The following KIF13B variants were observed in gnomAD, a reference collection of about 807,000 sequenced individuals.
The protein encoded by KIF13B is kinesin family member 13B.
KIF13B carries 127 observed loss-of-function variants against 222.0 expected under a neutral mutation model. The observed-to-expected ratio is 0.57, with a 90% CI of 0.50 to 0.66. KIF13B has a LOEUF of 0.66. Ranked by LOEUF, KIF13B falls within the 30% of genes least tolerant of loss-of-function variation. The pLI, the probability that KIF13B is intolerant of heterozygous loss-of-function variation, is 0.00. For synonymous variants in KIF13B, 976 were observed against 919.0 expected (o/e 1.06, Z -1.12); for missense variants, 2,173 against 2,379.0 (o/e 0.91, Z 1.80).
chr8:29,165,891 G>T, intron 11 of KIF13B, 119 bp from the exon 12 acceptor site: 1 of 112,610 alleles, frequency 8.9e-6, no homozygotes. Context: ...TCACGCTGAG[G>T]TCTGACATCT....
At chr8:29,169,508 G>C (rs999642725) in intron 10 of KIF13B, among the ~76,000 whole-genome samples, 9 of 152,146 alleles carry the variant, frequency 5.9e-5, no homozygotes, top group Admixed American at 5.9e-4. Context: ...GATTCCTAAG[G>C]TGTTACTAAA....
intron 1 of KIF13B, among the ~76,000 whole-genome samples, chr8:29,261,945 T>G (rs1049133712): frequency 2.0e-5 from 3 of 152,196 alleles, no homozygotes; most frequent in Non-Finnish European, 4.4e-5. Flanking sequence ...ACATAAAAAT[T>G]AAACAACACT....
intron 21 of KIF13B, among the ~76,000 whole-genome samples, chr8:29,139,228 A>C (rs1448906702): frequency 6.6e-6 from 1 of 152,176 alleles, no homozygotes; most frequent in Non-Finnish European, 1.5e-5. Context: ...TATGACTTAG[A>C]ATGTACTACT....
rs1563769878 is a variant in KIF13B at position 29,186,547 on chromosome 8, A to ATAAATT, written c.317-76_317-75insAATTTA. The ATAAATT allele has an allele frequency of 4.7e-6, 6 of 1,284,018 alleles. No homozygotes were observed. The African/African-American group carries it at 9.1e-5, about 19-fold the overall frequency. The allele number at this position is 1,284,018 out of a possible 1,614,324, so 79.5% of individuals were successfully genotyped here. On this transcript the variant is annotated intron_variant, in intron 5 of 39. Transcript: ENST00000524189. ...ACATAACCCTCTTTCCGTTGCTCAT[A>ATAAATT]ATAAACACTTGGCAAAACGCCAAAA... is the stretch of plus-strand genomic sequence containing the variant.
intron 26 of KIF13B, among the ~76,000 whole-genome samples, chr8:29,125,358 G>C (rs1310105552): frequency 6.6e-6 from 1 of 152,168 alleles, no homozygotes; most frequent in Non-Finnish European, 1.5e-5. Flanking sequence ...GATATAGTGT[G>C]TCTGGGCTTT....
intron 2 of KIF13B, among the ~76,000 whole-genome samples, chr8:29,200,131 G>A (rs1174943138): frequency 6.6e-6 from 1 of 152,112 alleles, no homozygotes; most frequent in Admixed American, 6.6e-5. Flanking sequence ...TAATTACAGA[G>A]CTAAGTTTGC....
intron 27 of KIF13B, 75 bp downstream of exon 27, chr8:29,123,948 AT>A: frequency 1.2e-6 from 1 of 868,640 alleles, no homozygotes; most frequent in Non-Finnish European, 1.9e-6. Context: ...TTCTTAACTG[AT>A]GTGGCTACAA....
At chr8:29,106,600 C>T (rs978959436) in intron 35 of KIF13B, among the ~76,000 whole-genome samples, 1 of 136,306 alleles carries the variant, frequency 7.3e-6, no homozygotes, top group Non-Finnish European at 1.5e-5. Flanking sequence ...CCACTGCACT[C>T]CAGCCTGGGC....
At position 29,134,187 on chromosome 8, in the gene KIF13B, C is replaced by T; in HGVS notation, c.2637G>A (p.Gly879=). 6.2e-7 allele frequency: 1 copy of T among 1,613,908 alleles called. No homozygotes were observed. The highest frequency in any genetic ancestry group is 1.7e-5 in the Admixed American group (1 of 60,004). ...CAAAGTGGGACAGATGCTGTGGCAA[C>T]CCAGTAGCTTGCAGGATTTTAACCT... The part of the protein sequence containing the change: ...VCMVKILQAT[G]LPQHLSHFVF... The change falls in exon 22 of 40, where the codon GGG becomes GGA. Residue 879 remains glycine, a synonymous_variant. Coordinates refer to ENST00000524189, the MANE Select transcript of KIF13B (RefSeq NM_015254.4).
chr8:29,085,255 T>C (rs1164268545), intron 37 of KIF13B, among the ~76,000 whole-genome samples: 2 of 152,184 alleles, frequency 1.3e-5, no homozygotes, highest in African/African-American at 4.8e-5. Context: ...TTCTCTGCAG[T>C]TATGGGTCTG....
At chr8:29,198,841 T>G in intron 2 of KIF13B, among the ~76,000 whole-genome samples, 1 of 152,176 alleles carries the variant, frequency 6.6e-6, no homozygotes, top group East Asian at 1.9e-4. Context: ...TATTGCATGT[T>G]CTTACCAATA....
chr8:29,188,642 A>G (rs757820811), intron 4 of KIF13B, 35 bp from the exon 5 acceptor site: 2 of 1,340,872 alleles, frequency 1.5e-6, no homozygotes, highest in East Asian at 4.6e-5. Context: ...AGATATTTTA[A>G]GCCAAAACTA....
intron 18 of KIF13B, among the ~76,000 whole-genome samples, chr8:29,143,951 C>A (rs145506025): frequency 2.2e-4 from 34 of 151,178 alleles, no homozygotes; most frequent in African/African-American, 8.3e-4. Flanking sequence ...CTTATAAGAG[C>A]AATGTGGATT....
At chr8:29,212,602 C>A (rs1345869334) in intron 2 of KIF13B, among the ~76,000 whole-genome samples, 1 of 152,040 alleles carries the variant, frequency 6.6e-6, no homozygotes, top group African/African-American at 2.4e-5. Context: ...ACTGATTTTT[C>A]TGTTCCATAT....
At chr8:29,072,382 C>T in intron 38 of KIF13B, 66 bp from the exon 39 acceptor site, 1 of 1,161,118 alleles carries the variant, frequency 8.6e-7, no homozygotes, top group East Asian at 3.1e-5. Flanking sequence ...AAGCAGGCAG[C>T]TTTGACTTGG....
At chr8:29,177,171 T>A (rs564800582) in intron 9 of KIF13B, among the ~76,000 whole-genome samples, 1 of 151,750 alleles carries the variant, frequency 6.6e-6, no homozygotes, top group Non-Finnish European at 1.5e-5. Context: ...CGCCATCTAG[T>A]GGGGAGAAGC....
At chr8:29,179,961 G>C in intron 8 of KIF13B, 143 bp downstream of exon 8, 2 of 873,850 alleles carry the variant, frequency 2.3e-6, no homozygotes, top group Middle Eastern at 2.7e-4. Flanking sequence ...TTGACCTAGA[G>C]GAGCTTCTGT....
chr8:29,087,970 T>A (rs1214610259), intron 37 of KIF13B, among the ~76,000 whole-genome samples: 1 of 152,046 alleles, frequency 6.6e-6, no homozygotes, highest in Non-Finnish European at 1.5e-5. Flanking sequence ...ATAAGAAGAT[T>A]ATACATATAT....
Position 29,148,515 on chromosome 8 carries a change from T to A in KIF13B, c.1813+62A>T, listed in dbSNP as rs1461417439. 1.3e-5 allele frequency: 16 copies of A among 1,269,114 alleles called. No homozygotes were observed. The East Asian group carries it at 1.6e-4, about 13-fold the overall frequency. The allele number at this position is 1,269,114 out of a possible 1,614,324, so 78.6% of individuals were successfully genotyped here. On this transcript the variant is annotated intron_variant, in intron 16 of 39. Coordinates refer to ENST00000524189, the MANE Select transcript of KIF13B (RefSeq NM_015254.4). ...GCCTGGAACTCCTGGGCTCAAGCGA[T>A]CTCCCCACCTCAGCCTCTACCAACT...
Sources: gnomAD v4.1 joint callset for allele counts (sites outside exome capture counted in the v4.1 genomes callset) on GRCh38, gnomAD v4.1.1 for gene constraint, MANE v1.5 for transcripts, NCBI Gene and HGNC (gene_info 2026-07-23, HGNC 2026-07-21) for gene names.